Variants in LRRC3B observed in about 807,000 individuals in gnomAD.
LRRC3B encodes the protein leucine-rich repeat-containing protein 3B.
LRRC3B carries 2 observed loss-of-function variants against 12.8 expected under a neutral mutation model. The observed-to-expected ratio is 0.16, with a 90% CI of 0.06 to 0.49. LRRC3B has a LOEUF of 0.49. Ranked by LOEUF, LRRC3B falls within the 20% of genes least tolerant of loss-of-function variation. The pLI is 0.96. For synonymous variants in LRRC3B, 132 were observed against 122.0 expected (o/e 1.08, Z -0.54); for missense variants, 189 against 319.4 (o/e 0.59, Z 3.11).
chr3:26,632,890 C>T (rs1427971785), intron 1 of LRRC3B, among the ~76,000 whole-genome samples: 5 of 152,056 alleles, frequency 3.3e-5, no homozygotes, highest in African/African-American at 9.7e-5. Flanking sequence ...CCTGTGCTGA[C>T]GATTGTCCAC....
chr3:26,643,002 C>A (rs915391060), intron 1 of LRRC3B, among the ~76,000 whole-genome samples: 1 of 137,062 alleles, frequency 7.3e-6, no homozygotes, highest in Admixed American at 7.2e-5. Context: ...GGTGACAGAG[C>A]GAGACTCCGT....
At chr3:26,696,451 C>T (rs1054179095) in intron 1 of LRRC3B, among the ~76,000 whole-genome samples, 33 of 152,276 alleles carry the variant, frequency 2.2e-4, no homozygotes, top group African/African-American at 7.5e-4. Flanking sequence ...AGTCTCAGGG[C>T]TTGACATTTT....
At chr3:26,658,177 C>T (rs933260263) in intron 1 of LRRC3B, among the ~76,000 whole-genome samples, 32 of 152,032 alleles carry the variant, frequency 2.1e-4, no homozygotes, top group African/African-American at 4.1e-4. Context: ...CCCGGGTTCA[C>T]GCCATTCTCC....
chr3:26,667,668 C>T (rs1018796461), intron 1 of LRRC3B, among the ~76,000 whole-genome samples: 6 of 152,134 alleles, frequency 3.9e-5, no homozygotes, highest in Non-Finnish European at 7.4e-5. Context: ...AAAAGATTTT[C>T]TGGAAATATC....
chr3:26,664,059 G>A (rs961501557), intron 1 of LRRC3B, among the ~76,000 whole-genome samples: 5 of 152,112 alleles, frequency 3.3e-5, no homozygotes, highest in African/African-American at 4.8e-5. Context: ...GGACATAGAA[G>A]TCTTCCTATG....
chr3:26,632,906 T>C (rs75211833), intron 1 of LRRC3B, among the ~76,000 whole-genome samples: 5,205 of 152,228 alleles, frequency 0.034, 167 homozygotes, highest in East Asian at 0.13. Flanking sequence ...TCCACATTTT[T>C]TCTCTCCAAC....
At chr3:26,691,436 T>G (rs1418975622) in intron 1 of LRRC3B, among the ~76,000 whole-genome samples, 2 of 152,116 alleles carry the variant, frequency 1.3e-5, no homozygotes, top group Non-Finnish European at 2.9e-5. Flanking sequence ...TGGCTCTCTA[T>G]TTCATGCTTC....
chr3:26,674,615 T>C (rs1159628143), intron 1 of LRRC3B, among the ~76,000 whole-genome samples: 1 of 152,228 alleles, frequency 6.6e-6, no homozygotes, highest in African/African-American at 2.4e-5. Flanking sequence ...ATATTCTGTC[T>C]TATGCCTAGC....
chr3:26,642,513 G>A lies in LRRC3B; in HGVS notation c.-161+19276G>A, dbSNP rs765599708. 3.9e-5 allele frequency among the ~76,000 whole-genome samples: 6 copies of A among 152,174 alleles called. No individual in the cohort carries two copies. The South Asian group carries it at 1.0e-3, about 26-fold the overall frequency. On this transcript the variant is annotated intron_variant, in intron 1 of 1. Transcript: ENST00000396641. ...ATAACCCATAGGATGTGGGGATGGC[G>A]GAGAGAGCAGAGTCTCTGAGAATGA... is the stretch of plus-strand genomic sequence containing the variant.
At chr3:26,642,212 A>T (rs1699044501) in intron 1 of LRRC3B, among the ~76,000 whole-genome samples, 1 of 152,222 alleles carries the variant, frequency 6.6e-6, no homozygotes, top group Admixed American at 6.5e-5. Flanking sequence ...GAGAGAAAGA[A>T]TAAAAAAGGC....
At chr3:26,642,349 C>G (rs1699047283) in intron 1 of LRRC3B, among the ~76,000 whole-genome samples, 1 of 152,126 alleles carries the variant, frequency 6.6e-6, no homozygotes, top group Admixed American at 6.5e-5. Flanking sequence ...GGAGATGGCT[C>G]TACCAGCAAG....
chr3:26,655,022 G>A (rs6780567), intron 1 of LRRC3B, among the ~76,000 whole-genome samples: 3 of 151,488 alleles, frequency 2.0e-5, no homozygotes, highest in Non-Finnish European at 2.9e-5. Context: ...GGATATCTAC[G>A]TCTTCATTTA....
intron 1 of LRRC3B, among the ~76,000 whole-genome samples, chr3:26,650,223 G>A (rs1699238236): frequency 6.6e-6 from 1 of 152,090 alleles, no homozygotes; most frequent in Non-Finnish European, 1.5e-5. Context: ...TCTGTCACCT[G>A]CTCTCAAAAG....
chr3:26,642,142 A>G (rs1042487252), intron 1 of LRRC3B, among the ~76,000 whole-genome samples: 1 of 152,236 alleles, frequency 6.6e-6, no homozygotes, highest in Non-Finnish European at 1.5e-5. Flanking sequence ...CTGCTTCTAC[A>G]TTCACTCTGT....
chr3:26,679,594 C>T (rs1324780703), intron 1 of LRRC3B, among the ~76,000 whole-genome samples: 1 of 152,202 alleles, frequency 6.6e-6, no homozygotes, highest in Non-Finnish European at 1.5e-5. Context: ...ACTAACCTTC[C>T]TATTTAAAAT....
At chr3:26,638,362 C>T (rs1698947095) in intron 1 of LRRC3B, among the ~76,000 whole-genome samples, 2 of 151,994 alleles carry the variant, frequency 1.3e-5, no homozygotes, top group Non-Finnish European at 1.5e-5. Flanking sequence ...TAGTCTGTTG[C>T]CTGCCTTTTA....
At chr3:26,667,662 G>T (rs934605555) in intron 1 of LRRC3B, among the ~76,000 whole-genome samples, 10 of 152,054 alleles carry the variant, frequency 6.6e-5, no homozygotes, top group African/African-American at 2.2e-4. Context: ...CTTTAAAAAA[G>T]ATTTTCTGGA....
chr3:26,632,328 G>T (rs1698773922), intron 1 of LRRC3B, among the ~76,000 whole-genome samples: 2 of 152,162 alleles, frequency 1.3e-5, no homozygotes, highest in Admixed American at 1.3e-4. Flanking sequence ...ACTCCTGCTT[G>T]CATATAAGAG....
At chr3:26,648,704 G>A (rs1662878958) in intron 1 of LRRC3B, among the ~76,000 whole-genome samples, 1 of 152,248 alleles carries the variant, frequency 6.6e-6, no homozygotes, top group East Asian at 1.9e-4. Context: ...ATGTCTACTG[G>A]GAAAAATGTG....
Sources: allele counts gnomAD v4.1 joint callset (sites outside exome capture counted in the v4.1 genomes callset), GRCh38; gene constraint gnomAD v4.1.1; transcripts MANE v1.5; gene names NCBI Gene and HGNC (gene_info 2026-07-23, HGNC 2026-07-21).